The following RGS6 variants were observed in gnomAD, a reference collection of about 807,000 sequenced individuals.
RGS6 encodes regulator of G-protein signaling 6.
RGS6 carries 30 observed loss-of-function variants against 78.5 expected under a neutral mutation model. The observed-to-expected ratio is 0.38, with a 90% CI of 0.29 to 0.52. RGS6 has a LOEUF of 0.52. Ranked by LOEUF, RGS6 falls within the 20% of genes least tolerant of loss-of-function variation. The pLI is 0.85. For missense variants in RGS6, 495 were observed against 609.7 expected, an observed-to-expected ratio of 0.81 and a Z score of 1.98; for synonymous variants, 206 against 206.0, an observed-to-expected ratio of 1.00 and a Z score of 0.00.
chr14:72,572,121 A>G, the RGS6 span, among the ~76,000 whole-genome samples: 289 of 152,326 alleles, frequency 1.9e-3, 2 homozygotes, highest in African/African-American at 6.1e-3. Flanking sequence ...CTTCACAACC[A>G]CTGGGATGGC....
rs1176544306 is a variant in RGS6 at position 72,053,980 on chromosome 14, C to CTT, written c.84+89105_84+89106insTT. On this transcript the variant is annotated intron_variant, in intron 2 of 17. Coordinates refer to ENST00000553525, the MANE Select transcript of RGS6 (RefSeq NM_001204424.2). ...TAAAAGGTGGAAATTGAGATAAGACCGAATGGTTGAGATTAATTTCACATC... is the reference window on the plus strand; with the variant it reads ...TAAAAGGTGGAAATTGAGATAAGACCTTGAATGGTTGAGATTAATTTCACATC... Among the ~76,000 whole-genome samples, 3 of 152,138 alleles carry CTT rather than the reference C, an allele frequency of 2.0e-5. No homozygotes were observed. In the East Asian group the frequency reaches 5.8e-4, roughly 29 times the overall value.
At chr14:72,244,519 T>A (rs141093757) in intron 2 of RGS6, among the ~76,000 whole-genome samples, 14 of 152,324 alleles carry the variant, frequency 9.2e-5, no homozygotes, top group African/African-American at 3.4e-4. Context: ...CTGCCTCCCA[T>A]TGGGGACTGT....
chr14:72,032,027 T>G (rs920832414), intron 2 of RGS6, among the ~76,000 whole-genome samples: 1 of 152,144 alleles, frequency 6.6e-6, no homozygotes, highest in Non-Finnish European at 1.5e-5. Flanking sequence ...CTAGATTAAG[T>G]CTCCTGTTGT....
intron 14 of RGS6, 68 bp downstream of exon 14, chr14:72,510,347 A>G (rs2286071): frequency 2.8e-4 from 327 of 1,178,722 alleles, no homozygotes; most frequent in South Asian, 9.6e-4. Flanking sequence ...CGGTCTCTCC[A>G]TCTCTCTCTC....
In RGS6 at chr14:72,037,917, C is replaced by G. The variant is rs74468192; in HGVS notation, c.84+73042C>G. Among the ~76,000 whole-genome samples, 15 of 151,876 alleles carry G rather than the reference C, an allele frequency of 9.9e-5. No homozygotes were observed. The East Asian group carries it at 1.9e-3, about 20-fold the overall frequency. On this transcript the variant is annotated intron_variant, in intron 2 of 17. Transcript: ENST00000553525. The stretch of plus-strand genomic sequence containing the variant: ...TTTATTTCTGGAAGTCTATTCTATG[C>G]TGTTGATCTACATGTTTATCTTTTT...
At chr14:72,349,474 G>C (rs772348765) in intron 2 of RGS6, among the ~76,000 whole-genome samples, 1 of 152,172 alleles carries the variant, frequency 6.6e-6, no homozygotes, top group Non-Finnish European at 1.5e-5. Context: ...TGCTCACTAT[G>C]AGGCCAAGGC....
At chr14:72,425,631 T>C (rs1347440995) in intron 3 of RGS6, among the ~76,000 whole-genome samples, 1 of 152,226 alleles carries the variant, frequency 6.6e-6, no homozygotes, top group East Asian at 1.9e-4. Context: ...TATCATTTTT[T>C]CCCAATCAGA....
At chr14:72,377,619 G>C (rs2085082869) in intron 3 of RGS6, among the ~76,000 whole-genome samples, 1 of 152,024 alleles carries the variant, frequency 6.6e-6, no homozygotes, top group African/African-American at 2.4e-5. Context: ...ATCAGCACGT[G>C]GAACATTCTC....
the RGS6 span, among the ~76,000 whole-genome samples, chr14:71,878,170 A>C: frequency 6.6e-6 from 1 of 152,188 alleles, no homozygotes; most frequent in East Asian, 1.9e-4. Context: ...CTCAGATCTC[A>C]AACTCCATGC....
the RGS6 span, among the ~76,000 whole-genome samples, chr14:71,916,938 A>C: frequency 1.3e-5 from 2 of 152,154 alleles, no homozygotes; most frequent in African/African-American, 4.8e-5. Flanking sequence ...AAAACCTTAG[A>C]GTGTACACAG....
chr14:72,167,101 G>A (rs1031271478), intron 2 of RGS6, among the ~76,000 whole-genome samples: 4 of 152,212 alleles, frequency 2.6e-5, no homozygotes, highest in Non-Finnish European at 4.4e-5. Flanking sequence ...ATGAGGCTAC[G>A]CTCAAGTATT....
At chr14:72,210,323 G>C (rs188038490) in intron 2 of RGS6, among the ~76,000 whole-genome samples, 1 of 152,130 alleles carries the variant, frequency 6.6e-6, no homozygotes, top group East Asian at 1.9e-4. Context: ...GCTTCCAGGG[G>C]CTCCTAGTTC....
chr14:71,977,922 A>G (rs1296517002), intron 2 of RGS6, among the ~76,000 whole-genome samples: 2 of 151,278 alleles, frequency 1.3e-5, no homozygotes, highest in South Asian at 4.2e-4. Context: ...ATTTGTTTGT[A>G]TCCTCTTTTA....
chr14:72,243,251 T>G (rs2053380289), intron 2 of RGS6, among the ~76,000 whole-genome samples: 1 of 152,240 alleles, frequency 6.6e-6, no homozygotes, highest in Non-Finnish European at 1.5e-5. Flanking sequence ...AATTGAAAAT[T>G]AGATTAATTC....
intron 15 of RGS6, 50 bp from the exon 16 acceptor site, chr14:72,536,136 G>C: frequency 7.6e-7 from 1 of 1,320,420 alleles, no homozygotes; most frequent in East Asian, 2.3e-5. Context: ...ATATTCTTTA[G>C]CACTGGTTGA....
intron 3 of RGS6, among the ~76,000 whole-genome samples, chr14:72,396,092 C>T (rs1278310654): frequency 6.6e-6 from 1 of 152,084 alleles, no homozygotes; most frequent in African/African-American, 2.4e-5. Flanking sequence ...GTTCTAGATC[C>T]CTGAGGAATC....
chr14:72,158,975 A>G (rs1421120835), intron 2 of RGS6, among the ~76,000 whole-genome samples: 1 of 152,230 alleles, frequency 6.6e-6, no homozygotes, highest in Non-Finnish European at 1.5e-5. Context: ...CAGCATAACA[A>G]TAGCATTTAC....
At chr14:72,293,415 A>T (rs1192958186) in intron 2 of RGS6, among the ~76,000 whole-genome samples, 1 of 152,134 alleles carries the variant, frequency 6.6e-6, no homozygotes, top group Admixed American at 6.5e-5. Context: ...TGATGGGGTG[A>T]GGTTTTGAAA....
the RGS6 span, among the ~76,000 whole-genome samples, chr14:71,877,479 G>T: frequency 6.6e-6 from 1 of 152,170 alleles, no homozygotes; most frequent in African/African-American, 2.4e-5. Context: ...GACTACTGAA[G>T]CTTGTGCATG....
Sources: allele counts gnomAD v4.1 joint callset (sites outside exome capture counted in the v4.1 genomes callset), GRCh38; gene constraint gnomAD v4.1.1; transcripts MANE v1.5; gene names NCBI Gene and HGNC (gene_info 2026-07-23, HGNC 2026-07-21).